Variants in PCDH15 observed in about 807,000 individuals in gnomAD.
PCDH15 encodes the protein protocadherin related 15, also known as protocadherin-15.
A neutral mutation model predicts 178.5 loss-of-function variants in PCDH15; 129 were observed. The observed-to-expected ratio is 0.72, with a 90% CI of 0.63 to 0.84. The LOEUF (loss-of-function observed/expected upper bound fraction) is 0.84, where lower values mean the gene tolerates loss of function less well. Among genes scored for constraint, PCDH15 ranks in the 40% least tolerant of loss-of-function variants. The pLI, the probability that PCDH15 is intolerant of heterozygous loss-of-function variation, is 0.00. For missense variants in PCDH15, 2,230 were observed against 2,099.9 expected (o/e 1.06, Z -1.21); for synonymous variants, 800 against 732.0 (o/e 1.09, Z -1.50).
intron 2 of PCDH15, among the ~76,000 whole-genome samples, chr10:54,545,561 A>T (rs2085751644): frequency 6.6e-6 from 1 of 152,078 alleles, no homozygotes. Context: ...AGAGAAAGCA[A>T]GGAAGGAGGG....
chr10:54,621,933 GAAAGA>G (rs1029498721), intron 2 of PCDH15, among the ~76,000 whole-genome samples: 3 of 152,008 alleles, frequency 2.0e-5, no homozygotes, highest in Non-Finnish European at 4.4e-5. Context: ...GTAAAGAAAG[GAAAGA>G]AGAGGTATTT....
intron 3 of PCDH15, among the ~76,000 whole-genome samples, chr10:54,815,622 T>A (rs1352216613): frequency 2.6e-5 from 4 of 152,086 alleles, no homozygotes. Context: ...TCATGTTTAA[T>A]GCAATACCCA....
intron 15 of PCDH15, among the ~76,000 whole-genome samples, chr10:54,104,842 CAACAA>C (rs555077153): frequency 9.7e-3 from 748 of 77,166 alleles, no homozygotes; most frequent in South Asian, 0.021. Flanking sequence ...GCCTCAACAA[CAACAA>C]AAAAAAAAAA....
At chr10:55,276,041 A>T (rs937435042) in intron 1 of PCDH15, among the ~76,000 whole-genome samples, 1 of 151,180 alleles carries the variant, frequency 6.6e-6, no homozygotes, top group African/African-American at 2.4e-5. Context: ...TTAAGTATAA[A>T]TTCTAACTTT....
chr10:53,923,119 A>G (rs1278506171), intron 25 of PCDH15, among the ~76,000 whole-genome samples: 2 of 152,146 alleles, frequency 1.3e-5, no homozygotes, highest in Non-Finnish European at 2.9e-5. Flanking sequence ...CAAAACACAA[A>G]TATAGCAATC....
intron 13 of PCDH15, among the ~76,000 whole-genome samples, chr10:54,174,982 T>C (rs1215567719): frequency 6.6e-6 from 1 of 152,094 alleles, no homozygotes; most frequent in African/African-American, 2.4e-5. Flanking sequence ...TACAAATAGG[T>C]TTAGCCAAGA....
At chr10:54,656,999 G>C (rs1455534687) in intron 2 of PCDH15, among the ~76,000 whole-genome samples, 3 of 152,120 alleles carry the variant, frequency 2.0e-5, no homozygotes, top group Non-Finnish European at 2.9e-5. Context: ...TGCCACAGAG[G>C]CTTCCATGAA....
intron 2 of PCDH15, among the ~76,000 whole-genome samples, chr10:55,080,114 C>T (rs1475788523): frequency 6.6e-6 from 1 of 152,074 alleles, no homozygotes; most frequent in Non-Finnish European, 1.5e-5. Flanking sequence ...CACACTTTGT[C>T]TCCAGCAGGA....
chr10:54,449,958 G>A (rs896508100), intron 3 of PCDH15, among the ~76,000 whole-genome samples: 1 of 151,440 alleles, frequency 6.6e-6, no homozygotes, highest in African/African-American at 2.4e-5. Flanking sequence ...GGAAAACTAT[G>A]CACTGTATCA....
intron 2 of PCDH15, among the ~76,000 whole-genome samples, chr10:55,449,106 C>A (rs920921354): frequency 3.3e-5 from 5 of 151,844 alleles, no homozygotes; most frequent in African/African-American, 1.2e-4. Context: ...TTAAAGGTTG[C>A]CTTTAAATTG....
intron 3 of PCDH15, among the ~76,000 whole-genome samples, chr10:54,446,920 G>A (rs374862024): frequency 1.3e-4 from 19 of 151,504 alleles, no homozygotes; most frequent in African/African-American, 4.4e-4. Context: ...TAAGATTGTT[G>A]CAACTAACTG....
intron 9 of PCDH15, among the ~76,000 whole-genome samples, chr10:54,229,647 T>G (rs2053847839): frequency 6.6e-6 from 1 of 152,160 alleles, no homozygotes. Flanking sequence ...GGAGTTTCCT[T>G]CACAAGCTCT....
chr10:55,304,258 T>C (rs888876206), intron 1 of PCDH15, among the ~76,000 whole-genome samples: 3 of 152,036 alleles, frequency 2.0e-5, no homozygotes, highest in Admixed American at 2.0e-4. Flanking sequence ...AAATAATAGG[T>C]TTTTGGGAGG....
At chr10:54,110,107 G>C (rs767525470) in intron 15 of PCDH15, among the ~76,000 whole-genome samples, 1 of 152,112 alleles carries the variant, frequency 6.6e-6, no homozygotes, top group African/African-American at 2.4e-5. Flanking sequence ...GTTTGTCTGC[G>C]TGGTTGTCGG....
intron 2 of PCDH15, among the ~76,000 whole-genome samples, chr10:55,005,441 T>A (rs1591831137): frequency 6.6e-6 from 1 of 152,126 alleles, no homozygotes; most frequent in East Asian, 1.9e-4. Context: ...AAATTTTTAA[T>A]CTCAATTTTA....
rs762364718 is a variant in PCDH15 at position 54,232,924 on chromosome 10, C to CT, written c.985+3898dup. Among the ~76,000 whole-genome samples, 915 of 109,170 alleles carry CT rather than the reference C, an allele frequency of 8.4e-3. 13 individuals carry two copies. The highest frequency in any genetic ancestry group is 0.033 in the South Asian group (113 of 3,422). The allele number at this position is 109,170 out of a possible 152,430, so 71.6% of individuals were successfully genotyped here. On this transcript the variant is annotated intron_variant, in intron 9 of 37. Transcript: ENST00000644397. ...TCTATTGTGTTGTTTAGCTTTCTTTCTTTTTTTTTTTTTTTTTTTTTAAAG... is the reference window on the plus strand; with the variant it reads ...TCTATTGTGTTGTTTAGCTTTCTTTCTTTTTTTTTTTTTTTTTTTTTTAAAG...
chr10:55,550,144 A>C (rs2132086836), intron 2 of PCDH15, among the ~76,000 whole-genome samples: 1 of 152,214 alleles, frequency 6.6e-6, no homozygotes, highest in Admixed American at 6.6e-5. Flanking sequence ...TACTTATGAC[A>C]GAATAGGGGG....
chr10:54,262,236 A>T (rs1215372361), intron 8 of PCDH15, among the ~76,000 whole-genome samples: 1 of 151,980 alleles, frequency 6.6e-6, no homozygotes, highest in Admixed American at 6.6e-5. Flanking sequence ...TGCCCATCCC[A>T]CAAGTCTCCA....
chr10:53,835,255 G>A (rs2132686180), intron 29 of PCDH15, among the ~76,000 whole-genome samples: 1 of 152,198 alleles, frequency 6.6e-6, no homozygotes, highest in South Asian at 2.1e-4. Flanking sequence ...TAAAGGCAGT[G>A]TATAAAGTCT....
Sources: gnomAD v4.1 joint callset for allele counts (sites outside exome capture counted in the v4.1 genomes callset) on GRCh38, gnomAD v4.1.1 for gene constraint, MANE v1.5 for transcripts, NCBI Gene and HGNC (gene_info 2026-07-23, HGNC 2026-07-21) for gene names.